The following DGKE variants were observed in gnomAD, a reference collection of about 807,000 sequenced individuals.
The protein encoded by DGKE is DAG kinase epsilon.
In DGKE, 53 loss-of-function variants were observed where a neutral mutation model predicts 70.0. That is an observed-to-expected ratio of 0.76 (90% confidence interval 0.61 to 0.95). The LOEUF is 0.95. Among genes scored for constraint, DGKE ranks in the 40% least tolerant of loss-of-function variants. The pLI is 0.00. For missense variants in DGKE, 655 were observed against 706.9 expected (o/e 0.93, Z 0.83); for synonymous variants, 291 against 257.0 (o/e 1.13, Z -1.27).
chr17:56,862,942 A>G lies in DGKE; in HGVS notation c.*151A>G. 1.9e-6 allele frequency: 1 copy of G among 524,896 alleles called. No individual in the cohort carries two copies. Among genetic ancestry groups the G allele is most frequent in the East Asian group, 3.5e-5 (1 of 28,608 alleles). The allele number at this position is 524,896 out of a possible 1,614,324, so 32.5% of individuals were successfully genotyped here. A position where few individuals can be genotyped will look rare whatever the true frequency, so the allele number is the denominator to read the frequency against. On this transcript the variant is annotated 3_prime_UTR_variant, in exon 12 of 12. Transcript: ENST00000284061. Reference sequence around the variant, plus strand: ...TACATTTTTGTAAATAGCATCCCCAAACCAGCCAGCCTTCAGTTATTTACA... The same window carrying G: ...TACATTTTTGTAAATAGCATCCCCAGACCAGCCAGCCTTCAGTTATTTACA...
intron 4 of DGKE, chr17:56,847,311 C>A (rs1598029319): frequency 6.7e-6 from 1 of 149,912 alleles, no homozygotes; most frequent in African/African-American, 2.5e-5. Flanking sequence ...AAGAAGGAGG[C>A]AATGTGGTAT....
Position 56,867,647 on chromosome 17 carries a change from G to A in DGKE, c.*4856G>A, listed in dbSNP as rs12150106. On this transcript the variant is annotated 3_prime_UTR_variant, in exon 12 of 12. Coordinates refer to ENST00000284061, the MANE Select transcript of DGKE (RefSeq NM_003647.3). ...GTGGTGGCTCACGCCTGTAATCCCA[G>A]CACTTTGGGAGGCTGAGGCAGGTGG... The A allele has an allele frequency of 0.26, 38,930 of 152,234 alleles. 5,118 individuals carry two copies. Among genetic ancestry groups the A allele is most frequent in the South Asian group, 0.39 (1,859 of 4,814 alleles). 9.4% of individuals were successfully genotyped at this position (152,234 alleles called of 1,614,324 possible).
intron 5 of DGKE, 149 bp from the exon 6 acceptor site, chr17:56,848,547 G>C: frequency 1.4e-6 from 1 of 710,208 alleles, no homozygotes; most frequent in Admixed American, 2.9e-5. Flanking sequence ...GAGATGTTTT[G>C]ATTAAGCAAT....
At chr17:56,846,554 A>G (rs919198548) in intron 4 of DGKE, among the ~76,000 whole-genome samples, 2 of 152,244 alleles carry the variant, frequency 1.3e-5, no homozygotes, top group Non-Finnish European at 2.9e-5. Context: ...TGAATCTTAT[A>G]TGTAAATTAT....
chr17:56,865,855 T>G lies in DGKE; in HGVS notation c.*3064T>G, dbSNP rs1908504919. On this transcript the variant is annotated 3_prime_UTR_variant, in exon 12 of 12. Coordinates refer to ENST00000284061, the MANE Select transcript of DGKE (RefSeq NM_003647.3). ...ATTGAATTTTAAATTTGCACTAACT[T>G]GAAAACTTTAAAGGTTATACTAATT... 6.6e-6 allele frequency: 1 copy of G among 152,072 alleles called. No individual in the cohort carries two copies. Among genetic ancestry groups the G allele is most frequent in the African/African-American group, 2.4e-5 (1 of 41,444 alleles). The allele number at this position is 152,072 out of a possible 1,614,324, so 9.4% of individuals were successfully genotyped here.
Position 56,848,775 on chromosome 17 carries a change from G to T in DGKE, c.968G>T (p.Gly323Val). The change falls in exon 6 of 12, where the codon GGT (glycine) becomes GTT (valine). Residue 323 changes from glycine (G) to valine (V), a missense_variant. Gly to Val is a moderately radical substitution (Grantham distance 109). Transcript: ENST00000284061. ...GATCTATCCAATACATTGGGTTGGG[G>T]TACAGGTTATGCTGGAGAAATTCCA... ...GNDLSNTLGW[G>V]TGYAGEIPVA... is the part of the protein sequence containing the mutation. The T allele has an allele frequency of 6.2e-7, 1 of 1,614,174 alleles. No individual in the cohort carries two copies. Among genetic ancestry groups the T allele is most frequent in the Non-Finnish European group, 8.5e-7 (1 of 1,180,014 alleles).
At chr17:56,849,308 G>A in intron 7 of DGKE, 76 bp downstream of exon 7, 1 of 1,332,412 alleles carries the variant, frequency 7.5e-7, no homozygotes, top group Non-Finnish European at 1.1e-6. Context: ...GTGGGATACA[G>A]AGACCTGGTG....
At chr17:56,843,796 T>TAAAA (rs1598024317) in intron 2 of DGKE, among the ~76,000 whole-genome samples, 2 of 21,320 alleles carry the variant, frequency 9.4e-5, no homozygotes. Flanking sequence ...AGACCCTGTC[T>TAAAA]CAAAAAAAAA....
At chr17:56,850,065 A>G (rs1027702468) in intron 7 of DGKE, among the ~76,000 whole-genome samples, 12 of 152,014 alleles carry the variant, frequency 7.9e-5, no homozygotes, top group Non-Finnish European at 2.9e-5. Context: ...CTGAGAATGC[A>G]TAAGAGAATG....
At chr17:56,839,352 C>G (rs1439269361) in intron 2 of DGKE, among the ~76,000 whole-genome samples, 1 of 152,138 alleles carries the variant, frequency 6.6e-6, no homozygotes, top group African/African-American at 2.4e-5. Context: ...TGACATGATG[C>G]TAAAGCTGAA....
At chr17:56,837,334 T>C (rs899150956) in intron 2 of DGKE, among the ~76,000 whole-genome samples, 1 of 152,106 alleles carries the variant, frequency 6.6e-6, no homozygotes, top group Admixed American at 6.6e-5. Context: ...GGAGAACCAC[T>C]GCTATATTTA....
At chr17:56,834,535 T>C (rs1230507605) in intron 1 of DGKE, among the ~76,000 whole-genome samples, 1 of 152,138 alleles carries the variant, frequency 6.6e-6, no homozygotes, top group Admixed American at 6.5e-5. Context: ...AGCAGCCGCC[T>C]TGGGCTCCTG....
chr17:56,847,282 C>T (rs1907342281), intron 4 of DGKE: 1 of 149,732 alleles, frequency 6.7e-6, no homozygotes, highest in South Asian at 2.1e-4. Context: ...GAACTTAGCA[C>T]ATTGTGGTTT....
At chr17:56,848,097 CT>C in intron 5 of DGKE, 32 bp downstream of exon 5, 2 of 1,388,988 alleles carry the variant, frequency 1.4e-6, no homozygotes, top group East Asian at 2.7e-5. Context: ...TACAGAAGGA[CT>C]TCTAAGATAA....
intron 9 of DGKE, among the ~76,000 whole-genome samples, chr17:56,860,284 TC>T (rs1348933382): frequency 6.6e-6 from 1 of 152,212 alleles, no homozygotes; most frequent in African/African-American, 2.4e-5. Context: ...ATGCCTGTAA[TC>T]CCAGCACTTT....
intron 2 of DGKE, chr17:56,838,340 A>G (rs1330283978): frequency 1.3e-5 from 2 of 152,256 alleles, no homozygotes; most frequent in South Asian, 2.1e-4. Context: ...ATACCAAATC[A>G]TCTTCTAGAG....
intron 2 of DGKE, chr17:56,835,544 A>G (rs940071847): frequency 4.3e-6 from 2 of 463,642 alleles, no homozygotes; most frequent in Non-Finnish European, 7.6e-6. Flanking sequence ...TGCCTGCTTC[A>G]TGGCCACTGT....
intron 2 of DGKE, among the ~76,000 whole-genome samples, chr17:56,840,121 G>A (rs577948682): frequency 1.2e-4 from 18 of 152,054 alleles, no homozygotes; most frequent in African/African-American, 3.6e-4. Context: ...CCGAGATCGC[G>A]CCATTGCACT....
intron 9 of DGKE, among the ~76,000 whole-genome samples, chr17:56,860,385 T>C (rs1169056483): frequency 2.0e-5 from 3 of 152,088 alleles, no homozygotes; most frequent in Non-Finnish European, 2.9e-5. Flanking sequence ...TAAAAATAGC[T>C]GAGCATAGTG....
Sources: allele counts gnomAD v4.1 joint callset (sites outside exome capture counted in the v4.1 genomes callset), GRCh38; gene constraint gnomAD v4.1.1; transcripts MANE v1.5; gene names NCBI Gene and HGNC (gene_info 2026-07-23, HGNC 2026-07-21).